The following NFIB variants were observed in gnomAD, a reference collection of about 807,000 sequenced individuals.
The protein encoded by NFIB is nuclear factor I B, also known as nuclear factor 1 B-type.
In NFIB, 11 loss-of-function variants were observed where a neutral mutation model predicts 61.5. That is an observed-to-expected ratio of 0.18 (90% CI 0.11 to 0.30). NFIB has a LOEUF of 0.30. Ranked by LOEUF, NFIB falls within the 10% of genes least tolerant of loss-of-function variation. The pLI is 1.00. For missense variants in NFIB, 471 were observed against 608.9 expected (o/e 0.77, Z 2.38); for synonymous variants, 260 against 216.5 (o/e 1.20, Z -1.76).
chr9:14,199,649 G>A (rs954987903), intron 2 of NFIB, among the ~76,000 whole-genome samples: 2 of 152,178 alleles, frequency 1.3e-5, no homozygotes, highest in Non-Finnish European at 2.9e-5. Context: ...AAAGGGCCAT[G>A]TATGTTTGTG....
chr9:14,391,140 G>C (rs1473473728), intron 1 of NFIB, among the ~76,000 whole-genome samples: 1 of 152,210 alleles, frequency 6.6e-6, no homozygotes, highest in Non-Finnish European at 1.5e-5. Flanking sequence ...AAAGTATAGA[G>C]AGAAGACAGC....
At position 14,313,644 on chromosome 9, in the gene NFIB, AC is replaced by A. The variant is rs1455742694; in HGVS notation, c.-134del. 2.3e-5 allele frequency: 35 copies of A among 1,545,108 alleles called. No homozygotes were observed. Among genetic ancestry groups the A allele is most frequent in the Non-Finnish European group, 3.0e-5 (34 of 1,146,762 alleles). ...TCAGGACGGGGCTCTGCGCTGGATC[AC>A]CGCAACTTCACAACAAACCCAGTCC... is the stretch of plus-strand genomic sequence containing the variant. On this transcript the variant is annotated 5_prime_UTR_variant, in exon 1 of 11. Transcript: ENST00000380953. The surrounding 1 kb of genome is among the most constrained non-coding windows in gnomAD (Gnocchi z 4.5).
intron 2 of NFIB, among the ~76,000 whole-genome samples, chr9:14,286,116 A>C (rs761075414): frequency 6.6e-6 from 1 of 152,194 alleles, no homozygotes; most frequent in Non-Finnish European, 1.5e-5. Context: ...AAGTCTGCTG[A>C]CATCTGAGGA....
chr9:14,285,558 A>G (rs754388406), intron 2 of NFIB, among the ~76,000 whole-genome samples: 5 of 152,232 alleles, frequency 3.3e-5, no homozygotes, highest in Non-Finnish European at 5.9e-5. Flanking sequence ...ATCTAGAATT[A>G]CAGTTAAGAA....
the NFIB span, among the ~76,000 whole-genome samples, chr9:14,520,427 C>T: frequency 6.6e-6 from 1 of 152,222 alleles, no homozygotes. Flanking sequence ...CTGCACCCAA[C>T]CTGTCCTTCT....
At chr9:14,459,091 G>C in the NFIB span, among the ~76,000 whole-genome samples, 3 of 151,552 alleles carry the variant, frequency 2.0e-5, no homozygotes, top group Non-Finnish European at 4.4e-5. Context: ...AAAGCTGGAG[G>C]CATCACGCTA....
At chr9:14,184,406 T>C (rs566930121) in intron 2 of NFIB, among the ~76,000 whole-genome samples, 1 of 152,338 alleles carries the variant, frequency 6.6e-6, no homozygotes, top group South Asian at 2.1e-4. Flanking sequence ...TTTAAACCTT[T>C]AGCTATTTTC....
At chr9:14,318,953 C>A (rs1202315754), upstream of NFIB, among the ~76,000 whole-genome samples, 3 of 152,080 alleles carry the variant, frequency 2.0e-5, no homozygotes, top group Non-Finnish European at 2.9e-5. Context: ...CAAAATCATA[C>A]CCAGCCCTTA....
chr9:14,376,836 T>TA (rs61381185), intron 1 of NFIB, among the ~76,000 whole-genome samples: 2,174 of 150,664 alleles, frequency 0.014, 42 homozygotes, highest in African/African-American at 0.045. Flanking sequence ...CCATTTTTTT[T>TA]AAAAAAAGAG....
chr9:14,274,044 C>T (rs1426176301), intron 2 of NFIB, among the ~76,000 whole-genome samples: 1 of 152,056 alleles, frequency 6.6e-6, no homozygotes, highest in Admixed American at 6.6e-5. Context: ...TTAAAAGAGC[C>T]ACGATACTGC....
At chr9:14,454,917 T>G in the NFIB span, among the ~76,000 whole-genome samples, 20 of 152,370 alleles carry the variant, frequency 1.3e-4, no homozygotes, top group East Asian at 3.9e-3. Flanking sequence ...CAGATAGGGC[T>G]GCTTCTCGAA....
At chr9:14,238,586 A>G (rs1168633458) in intron 2 of NFIB, among the ~76,000 whole-genome samples, 1 of 152,118 alleles carries the variant, frequency 6.6e-6, no homozygotes, top group Non-Finnish European at 1.5e-5. Context: ...TCGAGTACCT[A>G]AGAGAGACCA....
At chr9:14,481,835 G>A in the NFIB span, among the ~76,000 whole-genome samples, 1 of 152,000 alleles carries the variant, frequency 6.6e-6, no homozygotes, top group African/African-American at 2.4e-5. Flanking sequence ...CATGCTTTTT[G>A]GTCCCCAACA....
the NFIB span, among the ~76,000 whole-genome samples, chr9:14,511,020 G>A: frequency 9.9e-4 from 151 of 152,202 alleles, no homozygotes; most frequent in African/African-American, 3.5e-3. Flanking sequence ...GGATGATTTT[G>A]TCAATAAATT....
chr9:14,529,382 A>T, the NFIB span, among the ~76,000 whole-genome samples: 1 of 152,184 alleles, frequency 6.6e-6, no homozygotes, highest in African/African-American at 2.4e-5. Flanking sequence ...GATTAAGCCA[A>T]AGAAGGACAC....
At chr9:14,310,910 T>C (rs1321091624) in intron 1 of NFIB, among the ~76,000 whole-genome samples, 1 of 152,026 alleles carries the variant, frequency 6.6e-6, no homozygotes, top group Admixed American at 6.6e-5. Flanking sequence ...GGTAGAAGAG[T>C]AAATACTAGG....
chr9:14,152,688 G>A (rs1274343177), intron 4 of NFIB, among the ~76,000 whole-genome samples: 1 of 152,090 alleles, frequency 6.6e-6, no homozygotes, highest in African/African-American at 2.4e-5. Flanking sequence ...TAAACTAGAT[G>A]TAATTTGTAG....
At chr9:14,482,458 C>T in the NFIB span, among the ~76,000 whole-genome samples, 16,733 of 152,228 alleles carry the variant, frequency 0.11, 1,009 homozygotes, top group South Asian at 0.19. Flanking sequence ...CCCTCACCCC[C>T]TCACCATGTT....
chr9:14,430,694 G>A, the NFIB span, among the ~76,000 whole-genome samples: 54,781 of 151,722 alleles, frequency 0.36, 10,747 homozygotes, highest in Admixed American at 0.52. Flanking sequence ...TGAGTCTCAT[G>A]CCTCCGCCTC....
Sources: allele counts gnomAD v4.1 joint callset (sites outside exome capture counted in the v4.1 genomes callset), GRCh38; gene constraint gnomAD v4.1.1; non-coding constraint Gnocchi (gnomAD v3.1); transcripts MANE v1.5; gene names NCBI Gene and HGNC (gene_info 2026-07-23, HGNC 2026-07-21).